Variants in FOCAD observed in about 807,000 individuals in gnomAD.
FOCAD encodes KIAA1797.
A neutral mutation model predicts 225.6 loss-of-function variants in FOCAD; 198 were observed. The observed-to-expected ratio is 0.88, with a 90% CI of 0.78 to 0.99. The LOEUF (loss-of-function observed/expected upper bound fraction) is 0.99. Among genes scored for constraint, FOCAD ranks in the 50% least tolerant of loss-of-function variants. FOCAD has a pLI of 0.00. For synonymous variants in FOCAD, 897 were observed against 755.0 expected, an observed-to-expected ratio of 1.19 and a Z score of -3.08; for missense variants, 2,713 against 2,123.6, an observed-to-expected ratio of 1.28 and a Z score of -5.46.
At chr9:20,929,900 GT>G (rs1422128879) in intron 27 of FOCAD, among the ~76,000 whole-genome samples, 1 of 152,134 alleles carries the variant, frequency 6.6e-6, no homozygotes, top group African/African-American at 2.4e-5. Context: ...GAAAAGTCAA[GT>G]TATGGTGCTA....
At chr9:20,881,821 C>G in intron 19 of FOCAD, 50 bp from the exon 20 acceptor site, 1 of 1,566,912 alleles carries the variant, frequency 6.4e-7, no homozygotes, top group Non-Finnish European at 8.7e-7. Context: ...TGTTTCTCTT[C>G]TAGCTTATTG....
At chr9:20,887,241 CTT>C (rs930878535) in intron 21 of FOCAD, among the ~76,000 whole-genome samples, 3 of 147,398 alleles carry the variant, frequency 2.0e-5, no homozygotes, top group African/African-American at 5.0e-5. Flanking sequence ...TTTTCTTTCT[CTT>C]TTTTTTTTTG....
intron 8 of FOCAD, among the ~76,000 whole-genome samples, chr9:20,774,903 T>C (rs1416625278): frequency 6.6e-6 from 1 of 152,042 alleles, no homozygotes; most frequent in Non-Finnish European, 1.5e-5. Context: ...CTGTCCCCCA[T>C]CCCCATCTTA....
At chr9:20,960,263 A>C (rs1311986284) in intron 35 of FOCAD, among the ~76,000 whole-genome samples, 3 of 152,198 alleles carry the variant, frequency 2.0e-5, no homozygotes, top group Non-Finnish European at 4.4e-5. Context: ...TAGGTGGGTC[A>C]CTTTTGGTAG....
chr9:20,940,938 A>T (rs1051314627), intron 28 of FOCAD, among the ~76,000 whole-genome samples: 1 of 151,982 alleles, frequency 6.6e-6, no homozygotes, highest in African/African-American at 2.4e-5. Context: ...TTTTTCTGAC[A>T]TGCAAGTGTC....
At chr9:20,890,599 A>T (rs1381683103) in intron 21 of FOCAD, among the ~76,000 whole-genome samples, 1 of 152,066 alleles carries the variant, frequency 6.6e-6, no homozygotes, top group Admixed American at 6.6e-5. Context: ...GGATTTTTGC[A>T]TCTGTGCTCA....
intron 1 of FOCAD, among the ~76,000 whole-genome samples, chr9:20,691,913 A>G (rs1269646630): frequency 6.6e-6 from 1 of 152,120 alleles, no homozygotes; most frequent in Non-Finnish European, 1.5e-5. Flanking sequence ...AGCCGGGACT[A>G]CAGGTGCGCA....
intron 11 of FOCAD, among the ~76,000 whole-genome samples, chr9:20,814,077 C>T (rs145491664): frequency 6.6e-6 from 1 of 152,068 alleles, no homozygotes; most frequent in Non-Finnish European, 1.5e-5. Flanking sequence ...CTGTGTGTGT[C>T]CTTAAATCTA....
upstream of FOCAD, chr9:20,658,256 G>A (rs559649874): frequency 1.3e-5 from 2 of 156,762 alleles, no homozygotes; most frequent in Non-Finnish European, 2.8e-5. Flanking sequence ...GCCCCCAGAG[G>A]TGGAGCTTAC....
intron 11 of FOCAD, among the ~76,000 whole-genome samples, chr9:20,800,228 G>A (rs1480758686): frequency 4.6e-5 from 7 of 152,146 alleles, no homozygotes; most frequent in African/African-American, 1.7e-4. Context: ...CTGTTAGTCT[G>A]ATGGGCTTCC....
At chr9:20,812,067 C>T (rs1026235024) in intron 11 of FOCAD, among the ~76,000 whole-genome samples, 1 of 151,954 alleles carries the variant, frequency 6.6e-6, no homozygotes, top group African/African-American at 2.4e-5. Context: ...TTGAGTGAGT[C>T]AGCATTTGTT....
Position 20,990,302 on chromosome 9 carries a change from G to A in FOCAD, c.5184G>A (p.Glu1728=). 6.2e-7 allele frequency: 1 copy of A among 1,614,092 alleles called. No homozygotes were observed. Among genetic ancestry groups the A allele is most frequent in the Non-Finnish European group, 8.5e-7 (1 of 1,179,996 alleles). The part of the protein sequence containing the change: ...RSPMHRVTLQ[E]VLTLLPNSMA... The stretch of plus-strand genomic sequence containing the variant: ...CAATGCACAGGGTCACTCTGCAGGA[G>A]GTTCTCACTCTCCTTCCCAATAGCA... The change falls in exon 42 of 44, where the codon GAG becomes GAA. Residue 1728 remains glutamate (E), a synonymous_variant. Transcript: ENST00000338382.
chr9:20,932,411 A>G (rs1275856694), intron 27 of FOCAD, among the ~76,000 whole-genome samples: 1 of 152,168 alleles, frequency 6.6e-6, no homozygotes, highest in Non-Finnish European at 1.5e-5. Flanking sequence ...TGGAGGGACA[A>G]CCATAGAACC....
intron 7 of FOCAD, 135 bp downstream of exon 7, chr9:20,765,208 C>G: frequency 4.5e-6 from 3 of 666,522 alleles, no homozygotes; most frequent in South Asian, 2.6e-5. Context: ...TGCTTACAAT[C>G]TTTTGGGGAA....
chr9:20,882,022 A>T lies in FOCAD; in HGVS notation c.2469A>T (p.Thr823=), dbSNP rs1331451553. 1.2e-6 allele frequency: 2 copies of T among 1,613,870 alleles called. No individual in the cohort carries two copies. Among genetic ancestry groups the T allele is most frequent in the Non-Finnish European group, 1.7e-6 (2 of 1,179,842 alleles). Residue 823 remains threonine (T), a synonymous_variant, in exon 20 of 44, where the codon ACA becomes ACT. Transcript: ENST00000338382. ...ATTTTATATTGAAAATGTATGAAAC[A>T]AACAAGCAACCAGGACTGAAACCTG... ...IPNFILKMYE[T]NKQPGLKPGL... is the part of the protein sequence containing the mutation.
intron 1 of FOCAD, among the ~76,000 whole-genome samples, chr9:20,688,722 A>G (rs1342007257): frequency 1.3e-5 from 2 of 152,232 alleles, no homozygotes; most frequent in East Asian, 3.8e-4. Context: ...GCCTAATGAC[A>G]GTGGATGTCT....
At chr9:20,899,226 A>G (rs1210591273) in intron 21 of FOCAD, among the ~76,000 whole-genome samples, 1 of 151,844 alleles carries the variant, frequency 6.6e-6, no homozygotes, top group Non-Finnish European at 1.5e-5. Context: ...GTTTTTTCTG[A>G]TATTCACTAT....
intron 28 of FOCAD, among the ~76,000 whole-genome samples, chr9:20,941,509 C>T (rs1836657541): frequency 6.6e-6 from 1 of 152,140 alleles, no homozygotes; most frequent in Non-Finnish European, 1.5e-5. Flanking sequence ...ATTGAAGATT[C>T]ATCTCTGATT....
intron 19 of FOCAD, chr9:20,875,051 C>T (rs1323210867): frequency 4.5e-6 from 2 of 439,824 alleles, no homozygotes; most frequent in East Asian, 9.3e-5. Flanking sequence ...ATTGTGTTCA[C>T]TGATAATTAA....
Sources: gnomAD v4.1 joint callset for allele counts (sites outside exome capture counted in the v4.1 genomes callset) on GRCh38, gnomAD v4.1.1 for gene constraint, MANE v1.5 for transcripts, NCBI Gene and HGNC (gene_info 2026-07-23, HGNC 2026-07-21) for gene names.